TANC2: variants seen among roughly 807,000 people sequenced by gnomAD.
TANC2 encodes tetratricopeptide repeat, ankyrin repeat and coiled-coil containing 2.
TANC2 carries 26 observed loss-of-function variants against 210.5 expected under a neutral mutation model. That is an observed-to-expected ratio of 0.12 (90% CI 0.09 to 0.17). TANC2 has a LOEUF of 0.17. TANC2 is among the 10% of genes least tolerant of loss of function. TANC2 has a pLI of 1.00. For synonymous variants in TANC2, 931 were observed against 967.1 expected (o/e 0.96, Z 0.69); for missense variants, 2,129 against 2,608.9 (o/e 0.82, Z 4.01).
At chr17:63,090,329 A>G (rs903824594) in intron 3 of TANC2, among the ~76,000 whole-genome samples, 1 of 151,392 alleles carries the variant, frequency 6.6e-6, no homozygotes, top group Non-Finnish European at 1.5e-5. Flanking sequence ...CATCATTTAC[A>G]TTAGGTACAT....
At chr17:63,237,926 C>G in exon 8 of TANC2, 2 of 1,585,822 alleles carry the variant, frequency 1.3e-6, no homozygotes, top group Non-Finnish European at 1.7e-6. Context: ...AAAAATCCAG[C>G]ATGGACTCCT....
chr17:63,067,886 A>T (rs2144602654), intron 2 of TANC2, among the ~76,000 whole-genome samples: 1 of 152,348 alleles, frequency 6.6e-6, no homozygotes, highest in African/African-American at 2.4e-5. Flanking sequence ...ATGTGGTGTT[A>T]AAATAATATT....
chr17:62,976,855 C>T (rs879450934), intron 1 of TANC2, among the ~76,000 whole-genome samples: 1 of 152,202 alleles, frequency 6.6e-6, no homozygotes, highest in African/African-American at 2.4e-5. Flanking sequence ...CCTTTCTTAG[C>T]ATTCCACAAG....
intron 4 of TANC2, among the ~76,000 whole-genome samples, chr17:63,130,682 T>C (rs1010874789): frequency 1.3e-5 from 2 of 152,192 alleles, no homozygotes; most frequent in African/African-American, 4.8e-5. Context: ...ATTGAGTCTG[T>C]ATAATAAAGA....
chr17:63,341,762 A>G (rs543474434), intron 12 of TANC2, among the ~76,000 whole-genome samples: 1 of 152,316 alleles, frequency 6.6e-6, no homozygotes, highest in African/African-American at 2.4e-5. Context: ...GTTTTATAAA[A>G]CACTTCTCTG....
At chr17:62,979,217 A>C (rs2032179289) in intron 1 of TANC2, among the ~76,000 whole-genome samples, 1 of 152,162 alleles carries the variant, frequency 6.6e-6, no homozygotes, top group African/African-American at 2.4e-5. Flanking sequence ...CTCACGGTAT[A>C]CTTTATCCCT....
At chr17:63,180,031 CT>C in intron 5 of TANC2, among the ~76,000 whole-genome samples, 1 of 149,574 alleles carries the variant, frequency 6.7e-6, no homozygotes, top group Non-Finnish European at 1.5e-5. Flanking sequence ...GTACCAGCTA[CT>C]CAAGAGGCTG....
chr17:63,302,073 G>A (rs544653470), intron 9 of TANC2, among the ~76,000 whole-genome samples: 1 of 152,320 alleles, frequency 6.6e-6, no homozygotes, highest in South Asian at 2.1e-4. Flanking sequence ...TCAATTTCCT[G>A]TAGTTGTTTG....
chr17:62,971,991 G>A (rs1166489282), intron 1 of TANC2, among the ~76,000 whole-genome samples: 4 of 152,132 alleles, frequency 2.6e-5, no homozygotes, highest in Admixed American at 6.5e-5. Context: ...TTTACTTTGC[G>A]TATTTAAGAT....
chr17:63,362,403 GT>G (rs2046992301), intron 14 of TANC2, among the ~76,000 whole-genome samples: 1 of 152,180 alleles, frequency 6.6e-6, no homozygotes, highest in Non-Finnish European at 1.5e-5. Flanking sequence ...GCTTCAGGCC[GT>G]TTCTGGCCTG....
intron 4 of TANC2, chr17:63,117,152 C>T (rs1392803397): frequency 6.6e-6 from 1 of 152,160 alleles, no homozygotes; most frequent in African/African-American, 2.4e-5. Context: ...CACCATTCAT[C>T]AGCTCTGGAC....
intron 1 of TANC2, among the ~76,000 whole-genome samples, chr17:63,001,144 T>C (rs1380517567): frequency 6.6e-6 from 1 of 152,196 alleles, no homozygotes; most frequent in African/African-American, 2.4e-5. Flanking sequence ...TAATCTGCAC[T>C]CATTTTTTTC....
intron 8 of TANC2, among the ~76,000 whole-genome samples, chr17:63,249,884 G>T (rs1266596620): frequency 1.3e-5 from 2 of 152,072 alleles, no homozygotes; most frequent in Non-Finnish European, 2.9e-5. Flanking sequence ...TGCATTAGTG[G>T]CAACTGATAT....
intron 14 of TANC2, among the ~76,000 whole-genome samples, chr17:63,365,772 C>T (rs78099416): frequency 0.021 from 3,191 of 152,110 alleles, 104 homozygotes; most frequent in African/African-American, 0.071. Context: ...AGAAAGATCT[C>T]TCACTCCTCC....
chr17:63,352,004 G>T (rs1041648351), intron 13 of TANC2, among the ~76,000 whole-genome samples: 1 of 151,968 alleles, frequency 6.6e-6, no homozygotes, highest in African/African-American at 2.4e-5. Context: ...TCACTTAATG[G>T]CCTGGAATAA....
intron 3 of TANC2, among the ~76,000 whole-genome samples, chr17:63,076,736 A>G (rs1478712110): frequency 6.6e-6 from 1 of 152,186 alleles, no homozygotes; most frequent in Non-Finnish European, 1.5e-5. Context: ...AGAAGTACAT[A>G]AAAGAGTGAT....
At chr17:63,075,457 T>C (rs2036537197) in intron 3 of TANC2, among the ~76,000 whole-genome samples, 1 of 152,170 alleles carries the variant, frequency 6.6e-6, no homozygotes, top group Non-Finnish European at 1.5e-5. Flanking sequence ...ATTGTTAGAG[T>C]TAATTGATAG....
intron 9 of TANC2, among the ~76,000 whole-genome samples, chr17:63,293,724 A>T (rs2044448604): frequency 6.6e-6 from 1 of 152,062 alleles, no homozygotes; most frequent in African/African-American, 2.4e-5. Flanking sequence ...CCTTAGTTGA[A>T]GAAAGGTAAG....
intron 7 of TANC2, among the ~76,000 whole-genome samples, chr17:63,214,956 C>T (rs749247511): frequency 2.2e-4 from 33 of 152,102 alleles, no homozygotes; most frequent in Non-Finnish European, 3.8e-4. Context: ...GTTGTAACCT[C>T]CCAAAAAGCC....
Sources: allele counts gnomAD v4.1 joint callset (sites outside exome capture counted in the v4.1 genomes callset), GRCh38; gene constraint gnomAD v4.1.1; transcripts MANE v1.5; gene names NCBI Gene and HGNC (gene_info 2026-07-23, HGNC 2026-07-21).